ASB7: variants seen among roughly 807,000 people sequenced by gnomAD.
ASB7 encodes the protein ankyrin repeat and SOCS box protein 7.
In ASB7, 4 loss-of-function variants were observed where a neutral mutation model predicts 32.5. The observed-to-expected ratio is 0.12, with a 90% CI of 0.06 to 0.28. ASB7 has a LOEUF of 0.28. Ranked by LOEUF, ASB7 falls within the 10% of genes least tolerant of loss-of-function variation. The pLI is 1.00. For synonymous variants in ASB7, 172 were observed against 155.6 expected (o/e 1.11, Z -0.78); for missense variants, 181 against 407.1 (o/e 0.44, Z 4.78).
chr15:100,638,145 A>G (rs1567117743), intron 5 of ASB7, among the ~76,000 whole-genome samples: 2 of 152,150 alleles, frequency 1.3e-5, no homozygotes, highest in African/African-American at 4.8e-5. Context: ...AAAAGCTGAG[A>G]CCTAGTGATA....
intron 5 of ASB7, among the ~76,000 whole-genome samples, chr15:100,631,720 C>G (rs2039884624): frequency 6.6e-6 from 1 of 152,226 alleles, no homozygotes; most frequent in South Asian, 2.1e-4. Flanking sequence ...GTCGCCTAAT[C>G]TCTCTGTGCC....
intron 5 of ASB7, among the ~76,000 whole-genome samples, chr15:100,641,481 T>C (rs1019914585): frequency 6.6e-6 from 1 of 152,210 alleles, no homozygotes; most frequent in Non-Finnish European, 1.5e-5. Flanking sequence ...CAAGAGAAGT[T>C]CATACCTGTA....
Position 100,603,048 on chromosome 15 carries a change from T to C in ASB7, c.-273+2T>C. On this transcript the variant is annotated splice_donor_variant, in intron 1 of 5. Coordinates refer to ENST00000332783, the MANE Select transcript of ASB7 (RefSeq NM_198243.3). LOFTEE classifies it low-confidence loss of function (5UTR_SPLICE). ...GAGAAGCAGCAGCTGAGGAGACAGG[T>C]AAAGTCCTTTACTTCCCCCGAGGGG... 1 of 399,348 alleles carries C rather than the reference T, an allele frequency of 2.5e-6. No homozygotes were observed. The highest frequency in any genetic ancestry group is 4.4e-6 in the Non-Finnish European group (1 of 226,676). The allele number at this position is 399,348 out of a possible 1,614,324, so 24.7% of individuals were successfully genotyped here. A position where few individuals can be genotyped will look rare whatever the true frequency, so the allele number is the denominator to read the frequency against.
Position 100,648,872 on chromosome 15 carries a change from A to G in ASB7, c.*410A>G, listed in dbSNP as rs1230971948. ...TGTTAACGTTTGGAGGCACAGTTTC[A>G]CCCAGGGCGACCCTGGGTTCTTTTG... On this transcript the variant is annotated 3_prime_UTR_variant, in exon 6 of 6. Transcript: ENST00000332783. The G allele has an allele frequency of 6.5e-6, 1 of 153,600 alleles. No homozygotes were observed. 9.5% of individuals were successfully genotyped at this position (153,600 alleles called of 1,614,324 possible).
rs1192430870 is a variant in ASB7 at position 100,629,170 on chromosome 15, A to G, written c.212-267A>G. The stretch of plus-strand genomic sequence containing the variant: ...ATTAGCAAAGACAGGGGATGTGGTG[A>G]TCTGTACTCCGTGTTTTTTGTGTAT... On this transcript the variant is annotated intron_variant, in intron 4 of 5. Coordinates refer to ENST00000332783, the MANE Select transcript of ASB7 (RefSeq NM_198243.3). The surrounding 1 kb of genome is among the most constrained non-coding windows in gnomAD (Gnocchi z 6.8). Among the ~76,000 whole-genome samples the G allele has an allele frequency of 6.6e-6, 1 of 152,212 alleles. No homozygotes were observed. The highest frequency in any genetic ancestry group is 2.4e-5 in the African/African-American group (1 of 41,464).
chr15:100,605,094 C>T (rs2039631730), intron 2 of ASB7, among the ~76,000 whole-genome samples: 1 of 152,198 alleles, frequency 6.6e-6, no homozygotes, highest in Non-Finnish European at 1.5e-5. Context: ...TCAGCCAGTT[C>T]ATTCTCATTG....
intron 2 of ASB7, among the ~76,000 whole-genome samples, chr15:100,608,202 G>A (rs2039663939): frequency 6.6e-6 from 1 of 152,140 alleles, no homozygotes; most frequent in Non-Finnish European, 1.5e-5. Context: ...ACACTGATTT[G>A]CATTTTAAAA....
intron 5 of ASB7, among the ~76,000 whole-genome samples, chr15:100,633,386 G>A (rs1356563117): frequency 6.6e-6 from 1 of 152,072 alleles, no homozygotes; most frequent in African/African-American, 2.4e-5. Context: ...AGGCCAGCCT[G>A]GCCAACGTGG....
intron 5 of ASB7, among the ~76,000 whole-genome samples, chr15:100,635,450 A>G (rs907498352): frequency 2.6e-5 from 4 of 152,156 alleles, no homozygotes; most frequent in African/African-American, 9.7e-5. Context: ...TGAGGTAAAC[A>G]GTCCTTTGAC....
At chr15:100,642,853 A>G (rs536602828) in intron 5 of ASB7, among the ~76,000 whole-genome samples, 6 of 152,204 alleles carry the variant, frequency 3.9e-5, no homozygotes, top group Non-Finnish European at 8.8e-5. Flanking sequence ...CCTGACCAAT[A>G]TGGTGAAACC....
intron 5 of ASB7, among the ~76,000 whole-genome samples, chr15:100,634,337 G>T (rs2039906631): frequency 6.6e-6 from 1 of 152,226 alleles, no homozygotes; most frequent in Non-Finnish European, 1.5e-5. Flanking sequence ...ACATATAAAA[G>T]TGAGGCTTTA....
chr15:100,628,581 C>G (rs899334871), intron 4 of ASB7, among the ~76,000 whole-genome samples: 1 of 152,116 alleles, frequency 6.6e-6, no homozygotes, highest in Non-Finnish European at 1.5e-5. Flanking sequence ...GTCTTCTGCC[C>G]CCAGCCAGGG....
At chr15:100,644,657 A>G (rs2039985474) in intron 5 of ASB7, among the ~76,000 whole-genome samples, 1 of 152,244 alleles carries the variant, frequency 6.6e-6, no homozygotes, top group Non-Finnish European at 1.5e-5. Flanking sequence ...GGCATTAATT[A>G]ACACGTAATC....
In ASB7 at chr15:100,612,156, C is replaced by A; in HGVS notation, c.-51-10C>A. 1 of 1,449,396 alleles carries A rather than the reference C, an allele frequency of 6.9e-7. No individual in the cohort carries two copies. The highest frequency in any genetic ancestry group is 1.2e-5 in the South Asian group (1 of 85,796). 89.8% of individuals were successfully genotyped at this position (1,449,396 alleles called of 1,614,324 possible). A position where few individuals can be genotyped will look rare whatever the true frequency, so the allele number is the denominator to read the frequency against. On this transcript the variant is annotated splice_polypyrimidine_tract_variant and intron_variant, in intron 3 of 5. Coordinates refer to ENST00000332783, the MANE Select transcript of ASB7 (RefSeq NM_198243.3). ...CTAAATTTTACCTTTTCTACCTTCT[C>A]TTCTTAAAGGCTGATCCCCGTAACC...
In ASB7 at chr15:100,622,966, G is replaced by A. The variant is rs568545468; in HGVS notation, c.212-6471G>A. Among the ~76,000 whole-genome samples the A allele has an allele frequency of 9.9e-5, 15 of 152,244 alleles. No individual in the cohort carries two copies. The South Asian group carries it at 3.1e-3, about 32-fold the overall frequency. On this transcript the variant is annotated intron_variant, in intron 4 of 5. Transcript: ENST00000332783. ...TTAGAAACTGAAAAACCTTTATACA[G>A]CAAAAGAAACAATTAATAGAATGAA...
chr15:100,632,720 T>G (rs1288781226), intron 5 of ASB7, among the ~76,000 whole-genome samples: 35 of 152,236 alleles, frequency 2.3e-4, no homozygotes, highest in Non-Finnish European at 8.8e-5. Context: ...CAGGGACATT[T>G]TACTCTTCAT....
intron 2 of ASB7, among the ~76,000 whole-genome samples, chr15:100,603,774 G>A (rs573411909): frequency 1.3e-5 from 2 of 152,190 alleles, no homozygotes; most frequent in South Asian, 4.1e-4. Context: ...AATCTTTTGA[G>A]TTATCTAACT....
intron 4 of ASB7, among the ~76,000 whole-genome samples, chr15:100,621,344 A>G (rs1172662597): frequency 6.6e-6 from 1 of 152,188 alleles, no homozygotes; most frequent in African/African-American, 2.4e-5. Flanking sequence ...AAAAAAGCCT[A>G]CCTTTCATTG....
In ASB7 at chr15:100,629,909, G is replaced by C; in HGVS notation, c.684G>C (p.Leu228=). 3 of 1,614,172 alleles carry C rather than the reference G, an allele frequency of 1.9e-6. No homozygotes were observed. The highest frequency in any genetic ancestry group is 2.5e-6 in the Non-Finnish European group (3 of 1,180,020). Residue 228 remains leucine (L), a synonymous_variant, in exon 5 of 6, where the codon CTG becomes CTC. Transcript: ENST00000332783. This position sits in a 1 kb window ranked among gnomAD's most constrained non-coding sequence, Gnocchi z 6.8. ...TATCTGCCCTTAGGGATGATGTGCT[G>C]TGTGCACGGATGTTATATAATTACG... ...LHLSALRDDV[L]CARMLYNYGA...
Sources: allele counts gnomAD v4.1 joint callset (sites outside exome capture counted in the v4.1 genomes callset), GRCh38; gene constraint gnomAD v4.1.1; non-coding constraint Gnocchi (gnomAD v3.1); transcripts MANE v1.5; gene names NCBI Gene and HGNC (gene_info 2026-07-23, HGNC 2026-07-21).